Variants in KCNMB4 observed in about 807,000 individuals in gnomAD.
KCNMB4 encodes the protein potassium calcium-activated channel subfamily M regulatory beta subunit 4.
Under a neutral mutation model 20.7 loss-of-function variants are expected in KCNMB4, and 3 were observed. The ratio of observed to expected loss-of-function variants is 0.14; its 90% CI spans 0.07 to 0.37. The LOEUF (loss-of-function observed/expected upper bound fraction) is 0.37, where lower values mean the gene tolerates loss of function less well. Among genes scored for constraint, KCNMB4 ranks in the 10% least tolerant of loss-of-function variants. The pLI is 1.00. For synonymous variants in KCNMB4, 110 were observed against 113.4 expected (o/e 0.97, Z 0.19); for missense variants, 168 against 265.9 (o/e 0.63, Z 2.56).
At chr12:70,377,193 T>C (rs749307482) in intron 1 of KCNMB4, among the ~76,000 whole-genome samples, 10 of 152,064 alleles carry the variant, frequency 6.6e-5, no homozygotes, top group Non-Finnish European at 1.5e-4. Context: ...CACACGGAAA[T>C]GCAAGAGAAC....
At chr12:70,368,631 G>A in intron 1 of KCNMB4, among the ~76,000 whole-genome samples, 1 of 151,992 alleles carries the variant, frequency 6.6e-6, no homozygotes, top group African/African-American at 2.4e-5. Flanking sequence ...AAAGATGAGT[G>A]CCAACCAGTA....
intron 1 of KCNMB4, among the ~76,000 whole-genome samples, chr12:70,388,749 T>A (rs868571631): frequency 2.0e-5 from 3 of 152,186 alleles, no homozygotes; most frequent in African/African-American, 7.2e-5. Flanking sequence ...ATAGAGCCTG[T>A]CTCCTTGGGT....
rs569841230 is a variant in KCNMB4 at position 70,418,827 on chromosome 12, G to T, written c.465-11658G>T. 2.0e-5 allele frequency among the ~76,000 whole-genome samples: 3 copies of T among 152,238 alleles called. No individual in the cohort carries two copies. The East Asian group carries it at 5.8e-4, about 29-fold the overall frequency. Reference sequence around the variant, plus strand: ...TTCTAAAGCTCTTGCCAGCCTTATAGATACCCAATGGAATCCCTGCTCATA... The same window carrying T: ...TTCTAAAGCTCTTGCCAGCCTTATATATACCCAATGGAATCCCTGCTCATA... On this transcript the variant is annotated intron_variant, in intron 2 of 2. Transcript: ENST00000258111.
chr12:70,380,449 CTGTTGGAAAAAATGG>C (rs1172853781), intron 1 of KCNMB4, among the ~76,000 whole-genome samples: 1 of 152,040 alleles, frequency 6.6e-6, no homozygotes, highest in African/African-American at 2.4e-5. Flanking sequence ...TAAGTGCATG[CTGTTGGAAAAAATGG>C]TGCCAATGGA....
rs1181340921 is a variant in KCNMB4, at chr12:70,431,926, AT to A, written c.*1276del. The A allele has an allele frequency of 1.3e-5, 2 of 152,166 alleles. No homozygotes were observed. Among genetic ancestry groups the A allele is most frequent in the Admixed American group, 1.3e-4 (2 of 15,284 alleles). The allele number at this position is 152,166 out of a possible 1,614,324, so 9.4% of individuals were successfully genotyped here. A position where few individuals can be genotyped will look rare whatever the true frequency, so the allele number is the denominator to read the frequency against. ...TCTATTAGAATAAAGGTAAACTGGAATTTAAAGACAAGTTCCCCTCAGTTAT... is the reference window on the plus strand; with the variant it reads ...TCTATTAGAATAAAGGTAAACTGGAATTAAAGACAAGTTCCCCTCAGTTAT... On this transcript the variant is annotated 3_prime_UTR_variant, in exon 3 of 3. Transcript: ENST00000258111.
intron 2 of KCNMB4, among the ~76,000 whole-genome samples, chr12:70,408,222 CAT>C (rs1424172591): frequency 6.6e-6 from 1 of 152,054 alleles, no homozygotes; most frequent in Non-Finnish European, 1.5e-5. Flanking sequence ...TTTACCATGA[CAT>C]ATGTGAGAGG....
chr12:70,419,173 AG>A (rs1326757451), intron 2 of KCNMB4, among the ~76,000 whole-genome samples: 1 of 152,238 alleles, frequency 6.6e-6, no homozygotes, highest in Non-Finnish European at 1.5e-5. Flanking sequence ...ATTCTAAAAA[AG>A]AAAGATATTT....
chr12:70,432,125 G>A lies in KCNMB4; in HGVS notation c.*1472G>A, dbSNP rs1037868152. On this transcript the variant is annotated 3_prime_UTR_variant, in exon 3 of 3. Coordinates refer to ENST00000258111, the MANE Select transcript of KCNMB4 (RefSeq NM_014505.6). ...GCTCACTACAGTCTCCACCTCCTGGGTTCAAGTCATTCCTCTGCCTCAGCC... is the reference window on the plus strand; with the variant it reads ...GCTCACTACAGTCTCCACCTCCTGGATTCAAGTCATTCCTCTGCCTCAGCC... The A allele has an allele frequency of 6.6e-6, 1 of 151,694 alleles. No individual in the cohort carries two copies. Among genetic ancestry groups the A allele is most frequent in the Non-Finnish European group, 1.5e-5 (1 of 68,022 alleles). The allele number at this position is 151,694 out of a possible 1,614,324, so 9.4% of individuals were successfully genotyped here.
chr12:70,415,464 G>A (rs375900145), intron 2 of KCNMB4, among the ~76,000 whole-genome samples: 1 of 152,174 alleles, frequency 6.6e-6, no homozygotes, highest in Non-Finnish European at 1.5e-5. Flanking sequence ...GCTAACATCA[G>A]CCAGGATTCT....
In KCNMB4 at chr12:70,434,121, A is replaced by G. The variant is rs138742128; in HGVS notation, c.*3468A>G. On this transcript the variant is annotated 3_prime_UTR_variant, in exon 3 of 3. Transcript: ENST00000258111. ...GGGTGCCTCCTCCTTTGGCCCCAGC[A>G]GGAAGTTCAAATCACGCAAGCCCTG... 747 of 152,370 alleles carry G rather than the reference A, an allele frequency of 4.9e-3. 3 individuals are homozygous for G. Among genetic ancestry groups the G allele is most frequent in the Admixed American group, 9.8e-3 (150 of 15,282 alleles). The allele number at this position is 152,370 out of a possible 1,614,324, so 9.4% of individuals were successfully genotyped here. A position where few individuals can be genotyped will look rare whatever the true frequency, so the allele number is the denominator to read the frequency against.
rs116962338 is a variant in KCNMB4, at chr12:70,379,037, C to T, written c.336+11967C>T. 1.6e-4 allele frequency among the ~76,000 whole-genome samples: 25 copies of T among 152,310 alleles called. No individual in the cohort carries two copies. The East Asian group carries it at 4.8e-3, about 29-fold the overall frequency. On this transcript the variant is annotated intron_variant, in intron 1 of 2. Coordinates refer to ENST00000258111, the MANE Select transcript of KCNMB4 (RefSeq NM_014505.6). ...GAATCTTTTTTTCTGAACAGTAGGTCTCAACAGTGGGCTTTAAATATTCAG... is the reference window on the plus strand; with the variant it reads ...GAATCTTTTTTTCTGAACAGTAGGTTTCAACAGTGGGCTTTAAATATTCAG...
At chr12:70,416,139 A>G (rs1328716522) in intron 2 of KCNMB4, among the ~76,000 whole-genome samples, 1 of 152,216 alleles carries the variant, frequency 6.6e-6, no homozygotes, top group Non-Finnish European at 1.5e-5. Context: ...CTTAGGCTAA[A>G]TTAGGCTGTG....
chr12:70,376,934 T>G (rs1007761652), intron 1 of KCNMB4, among the ~76,000 whole-genome samples: 6 of 151,774 alleles, frequency 4.0e-5, no homozygotes, highest in Admixed American at 1.3e-4. Flanking sequence ...TGTCTTGGAA[T>G]AAATTTTATA....
Position 70,366,748 on chromosome 12 carries a change from G to T in KCNMB4, c.14G>T (p.Arg5Leu). 6.3e-7 allele frequency: 1 copy of T among 1,594,782 alleles called. No individual in the cohort carries two copies. Among genetic ancestry groups the T allele is most frequent in the Non-Finnish European group, 8.5e-7 (1 of 1,172,226 alleles). Residue 5 changes from arginine to leucine, a missense_variant, in exon 1 of 3, where the codon CGG (arginine) becomes CTG (leucine). Physicochemically the swap from Arg to Leu is moderately radical, Grantham distance 102 (BLOSUM62 -2). Coordinates refer to ENST00000258111, the MANE Select transcript of KCNMB4 (RefSeq NM_014505.6). MAKL[R>L]VAYEYTEAED... ...GAGTGGGGGGCGATGGCGAAGCTCC[G>T]GGTGGCTTACGAGTACACGGAAGCC...
At chr12:70,427,799 T>C (rs1246327059) in intron 2 of KCNMB4, among the ~76,000 whole-genome samples, 1 of 152,206 alleles carries the variant, frequency 6.6e-6, no homozygotes, top group African/African-American at 2.4e-5. Flanking sequence ...TCATCTGGGC[T>C]ATTTTTCTGG....
At chr12:70,369,987 A>G (rs1883562158) in intron 1 of KCNMB4, among the ~76,000 whole-genome samples, 1 of 152,144 alleles carries the variant, frequency 6.6e-6, no homozygotes, top group Admixed American at 6.5e-5. Context: ...TCACAGTTGT[A>G]TATGCTAGGA....
chr12:70,424,553 C>T (rs781644918), intron 2 of KCNMB4, among the ~76,000 whole-genome samples: 2 of 151,954 alleles, frequency 1.3e-5, no homozygotes, highest in Admixed American at 6.6e-5. Context: ...AGTTTGAGAC[C>T]AGCCTGGCCA....
rs1426813511 is a variant in KCNMB4 at position 70,433,983 on chromosome 12, T to A, written c.*3330T>A. The A allele has an allele frequency of 6.6e-6, 1 of 152,234 alleles. No homozygotes were observed. The highest frequency in any genetic ancestry group is 1.9e-4 in the East Asian group (1 of 5,194). The allele number at this position is 152,234 out of a possible 1,614,324, so 9.4% of individuals were successfully genotyped here. The stretch of plus-strand genomic sequence containing the variant: ...TTATAGGCCGGGGTTTTAGTTCATT[T>A]GACTGTAATAAAGACGTCAATGCCG... On this transcript the variant is annotated 3_prime_UTR_variant, in exon 3 of 3. Transcript: ENST00000258111.
At chr12:70,375,370 C>A (rs951976911) in intron 1 of KCNMB4, among the ~76,000 whole-genome samples, 2 of 151,832 alleles carry the variant, frequency 1.3e-5, no homozygotes, top group African/African-American at 2.4e-5. Flanking sequence ...CGTGGTGGCT[C>A]ACACCTGTAA....
Sources: allele counts gnomAD v4.1 joint callset (sites outside exome capture counted in the v4.1 genomes callset), GRCh38; gene constraint gnomAD v4.1.1; transcripts MANE v1.5; gene names NCBI Gene and HGNC (gene_info 2026-07-23, HGNC 2026-07-21).